Variants in PEAK1 observed in about 807,000 individuals in gnomAD.
The protein encoded by PEAK1 is pseudopodium enriched atypical kinase 1.
Under a neutral mutation model 124.7 loss-of-function variants are expected in PEAK1, and 54 were observed. The ratio of observed to expected loss-of-function variants is 0.43; its 90% CI spans 0.35 to 0.54. PEAK1 has a LOEUF of 0.54. Ranked by LOEUF, PEAK1 falls within the 20% of genes least tolerant of loss-of-function variation. The pLI is 0.01. For missense variants in PEAK1, 2,046 were observed against 2,134.5 expected, an observed-to-expected ratio of 0.96 and a Z score of 0.82; for synonymous variants, 719 against 760.0, an observed-to-expected ratio of 0.95 and a Z score of 0.89.
intron 6 of PEAK1, among the ~76,000 whole-genome samples, chr15:77,220,389 G>A (rs773023673): frequency 1.1e-4 from 16 of 151,686 alleles, no homozygotes; most frequent in Non-Finnish European, 7.4e-5. Context: ...ACTTGACTAC[G>A]CAATACATCC....
intron 5 of PEAK1, among the ~76,000 whole-genome samples, chr15:77,271,937 A>T (rs1462463529): frequency 6.6e-6 from 1 of 152,210 alleles, no homozygotes; most frequent in Non-Finnish European, 1.5e-5. Context: ...TAATAATAAA[A>T]AAAAAGGAAA....
chr15:77,252,201 A>G (rs995779629), intron 6 of PEAK1, among the ~76,000 whole-genome samples, 166 bp downstream of exon 6: 2 of 152,246 alleles, frequency 1.3e-5, no homozygotes, highest in Non-Finnish European at 2.9e-5. Flanking sequence ...AATTCTTTTG[A>G]GCAAACATTA....
intron 8 of PEAK1, among the ~76,000 whole-genome samples, chr15:77,136,917 A>C (rs182279717): frequency 6.6e-6 from 1 of 152,316 alleles, no homozygotes; most frequent in East Asian, 1.9e-4. Context: ...TAGGAGAAAA[A>C]AGTAGTTTCG....
chr15:77,114,770 G>C lies in PEAK1; in HGVS notation c.4627C>G (p.Pro1543Ala). Residue 1543 changes from proline (P) to alanine (A), a missense_variant, in exon 10 of 10, where the codon CCC (proline) becomes GCC (alanine). By Grantham distance (27) the Pro-to-Ala change is conservative. Transcript: ENST00000682557. ...AQGFGPAEPS[P>A]TSSYPTRLIV... ...AGCCTAGTGGGATAAGATGAGGTGG[G>C]GCTGGGCTCTGCAGGCCCAAAGCCT... is the stretch of plus-strand genomic sequence containing the variant. 4 of 1,613,186 alleles carry C rather than the reference G, an allele frequency of 2.5e-6. No homozygotes were observed. Among genetic ancestry groups the C allele is most frequent in the Non-Finnish European group, 3.4e-6 (4 of 1,179,908 alleles).
intron 1 of PEAK1, among the ~76,000 whole-genome samples, chr15:77,399,278 A>G (rs2071157320): frequency 6.6e-6 from 1 of 152,224 alleles, no homozygotes. Flanking sequence ...ATGTCTATCA[A>G]TATACCAATG....
chr15:77,181,553 C>T lies in PEAK1; in HGVS notation c.374G>A (p.Gly125Glu), dbSNP rs2057274582. 1.9e-6 allele frequency: 3 copies of T among 1,613,828 alleles called. No homozygotes were observed. The highest frequency in any genetic ancestry group is 2.7e-5 in the African/African-American group (2 of 74,856). The change falls in exon 7 of 10, where the codon GGA becomes GAA. Residue 125 changes from glycine to glutamate, a missense_variant. Coordinates refer to ENST00000682557, the MANE Select transcript of PEAK1 (RefSeq NM_001385026.1). The stretch of plus-strand genomic sequence containing the variant: ...ATAAGGCTTAGGAACATGGCTAATT[C>T]CTTCATCATCTTCATTATTATTGTT... ...PLNNNNEDDE[G>E]ISHVPKPYGN...
At chr15:77,317,941 A>G (rs928724124) in intron 2 of PEAK1, among the ~76,000 whole-genome samples, 1 of 152,218 alleles carries the variant, frequency 6.6e-6, no homozygotes, top group Non-Finnish European at 1.5e-5. Context: ...ATATACAAAT[A>G]CTGTATGATT....
Position 77,180,595 on chromosome 15 carries a change from A to T in PEAK1, c.1332T>A (p.Ala444=). Residue 444 remains alanine, a synonymous_variant, in exon 7 of 10, where the codon GCT becomes GCA. Transcript: ENST00000682557. ...CAAGGTTTATGGTTACTGCTTGCCC[A>T]GCAACATCTGTAGAGGCTTTACTTT... ...KEESKASTDV[A]GQAVTINLVP... is the part of the protein sequence containing the mutation. The T allele has an allele frequency of 6.2e-7, 1 of 1,614,174 alleles. No individual in the cohort carries two copies. The highest frequency in any genetic ancestry group is 8.5e-7 in the Non-Finnish European group (1 of 1,180,016).
At position 77,419,704 on chromosome 15, in the gene PEAK1, C is replaced by T. The variant is rs550923567; in HGVS notation, c.-666+302G>A. On this transcript the variant is annotated intron_variant, in intron 1 of 9. Coordinates refer to ENST00000682557, the MANE Select transcript of PEAK1 (RefSeq NM_001385026.1). ...TCGCGGCAGGTCCCAACTTTCCTTC[C>T]TCTGGGGGGCGTCGCGCTCCCGGGG... 333 of 980,428 alleles carry T rather than the reference C, an allele frequency of 3.4e-4. 3 individuals are homozygous for T. The African/African-American group carries it at 5.6e-3, about 16-fold the overall frequency. The allele number at this position is 980,428 out of a possible 1,614,324, so 60.7% of individuals were successfully genotyped here.
At chr15:77,235,463 T>C (rs957010262) in intron 6 of PEAK1, among the ~76,000 whole-genome samples, 1 of 152,210 alleles carries the variant, frequency 6.6e-6, no homozygotes, top group African/African-American at 2.4e-5. Flanking sequence ...GCATTACGCC[T>C]GTCCTAGAGA....
chr15:77,255,400 T>C, intron 5 of PEAK1: 1 of 982,368 alleles, frequency 1.0e-6, no homozygotes, highest in Non-Finnish European at 1.2e-6. Flanking sequence ...TATTTCATAT[T>C]TGAAAACAAA....
Position 77,314,340 on chromosome 15 carries a change from C to A in PEAK1, c.-602-27836G>T, listed in dbSNP as rs574670571. ...AACCTATTTTGGGTCTGTAGGCTGACCTCAACCCTGTAATATAACCCATTA... is the reference window on the plus strand; with the variant it reads ...AACCTATTTTGGGTCTGTAGGCTGAACTCAACCCTGTAATATAACCCATTA... On this transcript the variant is annotated intron_variant, in intron 2 of 9. Coordinates refer to ENST00000682557, the MANE Select transcript of PEAK1 (RefSeq NM_001385026.1). 2.6e-5 allele frequency among the ~76,000 whole-genome samples: 4 copies of A among 151,924 alleles called. No homozygotes were observed. In the East Asian group the frequency reaches 7.7e-4, roughly 29 times the overall value.
In PEAK1 at chr15:77,403,019, C is replaced by G. The variant is rs1306686625; in HGVS notation, c.-666+16987G>C. On this transcript the variant is annotated intron_variant, in intron 1 of 9. Transcript: ENST00000682557. ...ATTATGATTTTGTTATACTTCCACT[C>G]TAAGCAATGATGAAATGTTGCATCC... is the stretch of plus-strand genomic sequence containing the variant. 3.0e-6 allele frequency: 3 copies of G among 985,164 alleles called. No individual in the cohort carries two copies. The African/African-American group carries it at 5.2e-5, about 17-fold the overall frequency. 61.0% of individuals were successfully genotyped at this position (985,164 alleles called of 1,614,324 possible). A position where few individuals can be genotyped will look rare whatever the true frequency, so the allele number is the denominator to read the frequency against.
intron 2 of PEAK1, among the ~76,000 whole-genome samples, chr15:77,304,442 A>ATTTTTTTT (rs71145812): frequency 1.2e-4 from 10 of 86,496 alleles, no homozygotes; most frequent in Non-Finnish European, 1.5e-4. Flanking sequence ...TCCTGTATAC[A>ATTTTTTTT]TTTTTTTTTT....
chr15:77,382,842 C>T (rs370709888), intron 1 of PEAK1, among the ~76,000 whole-genome samples: 1 of 151,960 alleles, frequency 6.6e-6, no homozygotes. Context: ...TTTTCCATAC[C>T]GGGCTCAATG....
At chr15:77,139,091 T>A (rs2053569866) in intron 8 of PEAK1, among the ~76,000 whole-genome samples, 1 of 152,114 alleles carries the variant, frequency 6.6e-6, no homozygotes, top group Non-Finnish European at 1.5e-5. Context: ...TAATCCAGTA[T>A]GACTGGTGTC....
chr15:77,333,105 T>C (rs1039739337), intron 2 of PEAK1: 6 of 983,350 alleles, frequency 6.1e-6, no homozygotes, highest in Non-Finnish European at 6.0e-6. Flanking sequence ...ATTTTGTTGA[T>C]GGTATTTGAT....
intron 6 of PEAK1, among the ~76,000 whole-genome samples, chr15:77,187,262 T>C (rs1041674878): frequency 6.6e-6 from 1 of 152,214 alleles, no homozygotes; most frequent in African/African-American, 2.4e-5. Context: ...ACCAAAGCCC[T>C]TCAGGCTATA....
intron 1 of PEAK1, among the ~76,000 whole-genome samples, chr15:77,383,412 G>C (rs2069651516): frequency 6.6e-6 from 1 of 152,152 alleles, no homozygotes; most frequent in African/African-American, 2.4e-5. Context: ...GTTAAAACTT[G>C]CAACATCTGA....
Sources: gnomAD v4.1 joint callset for allele counts (sites outside exome capture counted in the v4.1 genomes callset) on GRCh38, gnomAD v4.1.1 for gene constraint, MANE v1.5 for transcripts, NCBI Gene and HGNC (gene_info 2026-07-23, HGNC 2026-07-21) for gene names.